The following KIAA1217 variants were observed in gnomAD, a reference collection of about 807,000 sequenced individuals.
KIAA1217 encodes the protein KIAA1217, also known as sickle tail protein homolog.
In KIAA1217, 88 loss-of-function variants were observed where a neutral mutation model predicts 163.9. The ratio of observed to expected loss-of-function variants is 0.54; its 90% CI spans 0.45 to 0.64. The LOEUF (loss-of-function observed/expected upper bound fraction) is 0.64, where lower values mean the gene tolerates loss of function less well. KIAA1217 is among the 30% of genes least tolerant of loss of function. The pLI, the probability that KIAA1217 is intolerant of heterozygous loss-of-function variation, is 0.00. For missense variants in KIAA1217, 2,372 were observed against 2,475.0 expected (o/e 0.96, Z 0.88); for synonymous variants, 903 against 923.1 (o/e 0.98, Z 0.39).
At chr10:24,144,855 G>A (rs543501691) in intron 2 of KIAA1217, among the ~76,000 whole-genome samples, 1 of 152,040 alleles carries the variant, frequency 6.6e-6, no homozygotes, top group Non-Finnish European at 1.5e-5. Context: ...CTTTTCTCTT[G>A]TTAGCCCCAC....
chr10:23,900,361 A>G (rs1315261212), intron 1 of KIAA1217, among the ~76,000 whole-genome samples: 3 of 151,904 alleles, frequency 2.0e-5, no homozygotes, highest in African/African-American at 7.2e-5. Flanking sequence ...CCGCAGCTAC[A>G]ATGGTTCCCA....
chr10:23,898,973 G>A (rs142653911), intron 1 of KIAA1217, among the ~76,000 whole-genome samples: 15 of 152,216 alleles, frequency 9.9e-5, no homozygotes, highest in Non-Finnish European at 2.1e-4. Flanking sequence ...GCTAAACTGT[G>A]TTGATGTGTA....
intron 2 of KIAA1217, among the ~76,000 whole-genome samples, chr10:24,149,717 T>C (rs984225687): frequency 6.6e-6 from 1 of 152,098 alleles, no homozygotes; most frequent in Admixed American, 6.5e-5. Flanking sequence ...TTATAGCAAA[T>C]AATTTATATT....
chr10:23,910,154 G>T (rs1013966857), intron 1 of KIAA1217, among the ~76,000 whole-genome samples: 1 of 151,950 alleles, frequency 6.6e-6, no homozygotes, highest in East Asian at 1.9e-4. Flanking sequence ...TGTCAGGGGC[G>T]TGGGGGCTGG....
intron 8 of KIAA1217, among the ~76,000 whole-genome samples, chr10:24,500,189 G>GTGTGTT (rs1357383072): frequency 6.8e-6 from 1 of 147,378 alleles, no homozygotes; most frequent in East Asian, 2.0e-4. Context: ...ACAGAAGTGT[G>GTGTGTT]TGTGTGTGTG....
chr10:24,258,412 G>A (rs573276926), intron 2 of KIAA1217, among the ~76,000 whole-genome samples: 1 of 152,124 alleles, frequency 6.6e-6, no homozygotes, highest in South Asian at 2.1e-4. Context: ...AGGAAGTGAG[G>A]GGTGACTGTG....
At chr10:23,843,387 G>A (rs1324863039) in intron 1 of KIAA1217, among the ~76,000 whole-genome samples, 2 of 152,108 alleles carry the variant, frequency 1.3e-5, no homozygotes, top group African/African-American at 2.4e-5. Flanking sequence ...GCTAATAGAT[G>A]ATTTTTATCC....
chr10:24,145,927 G>A (rs1424536673), intron 2 of KIAA1217, among the ~76,000 whole-genome samples: 1 of 152,160 alleles, frequency 6.6e-6, no homozygotes. Context: ...GATTGAGGGT[G>A]GTTCTGCCTC....
intron 1 of KIAA1217, among the ~76,000 whole-genome samples, chr10:23,805,314 C>T (rs1222900096): frequency 1.3e-5 from 2 of 152,148 alleles, no homozygotes; most frequent in Admixed American, 6.5e-5. Flanking sequence ...CTTACAAATA[C>T]ACCACATGTA....
At chr10:23,809,877 CT>C (rs1186078355) in intron 1 of KIAA1217, among the ~76,000 whole-genome samples, 1 of 151,990 alleles carries the variant, frequency 6.6e-6, no homozygotes, top group Non-Finnish European at 1.5e-5. Context: ...TGACTTATGA[CT>C]TTTTAACTTT....
intron 3 of KIAA1217, among the ~76,000 whole-genome samples, chr10:24,424,738 G>A (rs1304541069): frequency 6.6e-6 from 1 of 152,198 alleles, no homozygotes; most frequent in Non-Finnish European, 1.5e-5. Flanking sequence ...GAGTAGCTGG[G>A]ATTAGAGGCA....
intron 5 of KIAA1217, among the ~76,000 whole-genome samples, chr10:24,470,112 C>T (rs2063342162): frequency 6.6e-6 from 1 of 152,108 alleles, no homozygotes; most frequent in Non-Finnish European, 1.5e-5. Context: ...GGAGAATTTG[C>T]CCACATATCC....
chr10:23,940,131 A>C (rs1787449302), intron 1 of KIAA1217, among the ~76,000 whole-genome samples: 1 of 152,094 alleles, frequency 6.6e-6, no homozygotes, highest in Non-Finnish European at 1.5e-5. Flanking sequence ...GAGCTTCAAA[A>C]TACATGTAGC....
At chr10:23,793,205 A>G (rs1256737489) in intron 1 of KIAA1217, among the ~76,000 whole-genome samples, 1 of 152,162 alleles carries the variant, frequency 6.6e-6, no homozygotes, top group Non-Finnish European at 1.5e-5. Flanking sequence ...TGAGATTTCT[A>G]ACTGCTCAGT....
At chr10:24,326,702 T>G (rs560376994) in intron 2 of KIAA1217, among the ~76,000 whole-genome samples, 125 of 152,320 alleles carry the variant, frequency 8.2e-4, no homozygotes, top group African/African-American at 2.9e-3. Flanking sequence ...AACTGGGCTG[T>G]CCACAAAAGG....
intron 2 of KIAA1217, among the ~76,000 whole-genome samples, chr10:24,232,935 CA>C (rs908492411): frequency 0.017 from 932 of 56,232 alleles, 3 homozygotes; most frequent in African/African-American, 0.063. Flanking sequence ...CTTATCTCTA[CA>C]AAAAAAAAAA....
intron 2 of KIAA1217, among the ~76,000 whole-genome samples, chr10:24,050,217 A>C (rs1245574615): frequency 1.3e-5 from 2 of 152,194 alleles, no homozygotes; most frequent in Non-Finnish European, 2.9e-5. Flanking sequence ...CCTTTGTCAG[A>C]TGGATACATT....
At chr10:24,186,917 CT>C (rs1376005017) in intron 2 of KIAA1217, among the ~76,000 whole-genome samples, 3 of 152,090 alleles carry the variant, frequency 2.0e-5, no homozygotes, top group Non-Finnish European at 2.9e-5. Flanking sequence ...AAATTTTAAT[CT>C]AGTATTTTTC....
At chr10:24,022,791 T>G (rs991660856) in intron 2 of KIAA1217, among the ~76,000 whole-genome samples, 2 of 151,446 alleles carry the variant, frequency 1.3e-5, no homozygotes, top group African/African-American at 2.4e-5. Context: ...AATCAAGCTA[T>G]CAAGCCATGG....
Sources: gnomAD v4.1 joint callset for allele counts (sites outside exome capture counted in the v4.1 genomes callset) on GRCh38, gnomAD v4.1.1 for gene constraint, MANE v1.5 for transcripts, NCBI Gene and HGNC (gene_info 2026-07-23, HGNC 2026-07-21) for gene names.